The following LRMDA variants were observed in gnomAD, a reference collection of about 807,000 sequenced individuals.
LRMDA encodes leucine-rich melanocyte differentiation-associated protein.
LRMDA carries 18 observed loss-of-function variants against 29.8 expected under a neutral mutation model. That is an observed-to-expected ratio of 0.60 (90% confidence interval 0.42 to 0.90). The LOEUF (loss-of-function observed/expected upper bound fraction) is 0.90. Among genes scored for constraint, LRMDA ranks in the 40% least tolerant of loss-of-function variants. The pLI is 0.00. For synonymous variants in LRMDA, 125 were observed against 109.4 expected, an observed-to-expected ratio of 1.14 and a Z score of -0.89; for missense variants, 273 against 273.9, an observed-to-expected ratio of 1.00 and a Z score of 0.02.
chr10:76,015,848 C>A (rs186964042), intron 2 of LRMDA, among the ~76,000 whole-genome samples: 43 of 152,262 alleles, frequency 2.8e-4, no homozygotes, highest in African/African-American at 9.1e-4. Flanking sequence ...CTTCTATTAC[C>A]AACTCCTCTG....
chr10:75,605,130 A>C (rs1205747492), intron 2 of LRMDA, among the ~76,000 whole-genome samples: 1 of 152,202 alleles, frequency 6.6e-6, no homozygotes, highest in Admixed American at 6.5e-5. Context: ...TGGGAATGCC[A>C]CACAGTTCAT....
chr10:75,997,502 T>G (rs1847490544), intron 2 of LRMDA, among the ~76,000 whole-genome samples: 1 of 152,018 alleles, frequency 6.6e-6, no homozygotes, highest in Non-Finnish European at 1.5e-5. Flanking sequence ...ACAGCTCTGA[T>G]TATATCCTAA....
chr10:75,887,309 TTAATGGAAAAA>T (rs1281541609), intron 2 of LRMDA, among the ~76,000 whole-genome samples: 6 of 152,168 alleles, frequency 3.9e-5, no homozygotes, highest in South Asian at 2.1e-4. Context: ...AAATTATGTA[TTAATGGAAAAA>T]TAATGGAAAA....
At chr10:76,080,293 T>C (rs930681959) in intron 5 of LRMDA, among the ~76,000 whole-genome samples, 1 of 152,236 alleles carries the variant, frequency 6.6e-6, no homozygotes, top group African/African-American at 2.4e-5. Flanking sequence ...TATTTGAATA[T>C]ATCCATCTTG....
At chr10:75,937,475 T>G (rs567529121) in intron 2 of LRMDA, among the ~76,000 whole-genome samples, 1 of 152,306 alleles carries the variant, frequency 6.6e-6, no homozygotes, top group African/African-American at 2.4e-5. Flanking sequence ...TGTTTTCATT[T>G]GAATTGTTTG....
chr10:75,505,835 GT>G (rs1845163383), intron 2 of LRMDA, among the ~76,000 whole-genome samples: 1 of 152,156 alleles, frequency 6.6e-6, no homozygotes, highest in African/African-American at 2.4e-5. Flanking sequence ...CATGCTGATG[GT>G]GTGTCTCATG....
intron 6 of LRMDA, among the ~76,000 whole-genome samples, chr10:76,485,942 A>G (rs1842779087): frequency 6.6e-6 from 1 of 151,954 alleles, no homozygotes; most frequent in Admixed American, 6.6e-5. Context: ...CTATACAAAC[A>G]GAAAAAGCCA....
intron 5 of LRMDA, among the ~76,000 whole-genome samples, chr10:76,153,174 T>C (rs748700669): frequency 6.6e-6 from 1 of 152,156 alleles, no homozygotes; most frequent in Non-Finnish European, 1.5e-5. Flanking sequence ...TATTTGTCTT[T>C]ATATTGTTGA....
chr10:76,261,887 T>A (rs143508585), intron 5 of LRMDA, among the ~76,000 whole-genome samples: 1 of 152,114 alleles, frequency 6.6e-6, no homozygotes, highest in Non-Finnish European at 1.5e-5. Context: ...ATTTGAGCAA[T>A]CTTGATAAGT....
At chr10:76,103,735 G>A (rs747747452) in intron 5 of LRMDA, among the ~76,000 whole-genome samples, 8 of 152,300 alleles carry the variant, frequency 5.3e-5, no homozygotes, top group East Asian at 1.9e-4. Context: ...TCAGCAAGAT[G>A]CAGACTGGTA....
intron 2 of LRMDA, among the ~76,000 whole-genome samples, chr10:75,631,982 A>G (rs981456382): frequency 3.9e-5 from 6 of 152,166 alleles, no homozygotes; most frequent in Non-Finnish European, 7.3e-5. Flanking sequence ...GTTGGATGCC[A>G]TAATGTGTTC....
intron 6 of LRMDA, among the ~76,000 whole-genome samples, chr10:76,349,216 A>G (rs1841145428): frequency 1.3e-5 from 2 of 152,316 alleles, no homozygotes; most frequent in East Asian, 1.9e-4. Flanking sequence ...ACAAATGGCC[A>G]CATAGTAGGC....
In LRMDA at chr10:75,458,461, A is replaced by C. The variant is rs1844546373; in HGVS notation, c.131+19967A>C. On this transcript the variant is annotated intron_variant, in intron 2 of 6. Coordinates refer to ENST00000611255, the MANE Select transcript of LRMDA (RefSeq NM_001305581.2). ...ATTTTCCAATTCAATTATGTTTTAA[A>C]AGGGAAGAGGGAGGAAGCAGAATCT... is the stretch of plus-strand genomic sequence containing the variant. Among the ~76,000 whole-genome samples, 4 of 115,628 alleles carry C rather than the reference A, an allele frequency of 3.5e-5. No homozygotes were observed. In the South Asian group the frequency reaches 7.9e-4, roughly 23 times the overall value. 75.9% of individuals were successfully genotyped at this position (115,628 alleles called of 152,430 possible). A position where few individuals can be genotyped will look rare whatever the true frequency, so the allele number is the denominator to read the frequency against.
intron 5 of LRMDA, among the ~76,000 whole-genome samples, chr10:76,307,183 C>A (rs760781445): frequency 1.6e-4 from 24 of 152,072 alleles, no homozygotes; most frequent in Non-Finnish European, 3.2e-4. Context: ...CTGTGGGATA[C>A]CAAAGCTTAG....
intron 2 of LRMDA, among the ~76,000 whole-genome samples, chr10:75,773,075 C>T (rs1843265793): frequency 6.6e-6 from 1 of 152,198 alleles, no homozygotes; most frequent in Non-Finnish European, 1.5e-5. Context: ...TCCACTGCGA[C>T]CTTGCCACTG....
At chr10:75,780,407 T>C (rs1034866937) in intron 2 of LRMDA, among the ~76,000 whole-genome samples, 1 of 152,144 alleles carries the variant, frequency 6.6e-6, no homozygotes, top group African/African-American at 2.4e-5. Context: ...CCTTGTACTT[T>C]GGGTACAGTA....
chr10:75,923,502 G>A (rs182908172), intron 2 of LRMDA, among the ~76,000 whole-genome samples: 2 of 152,248 alleles, frequency 1.3e-5, no homozygotes, highest in East Asian at 1.9e-4. Context: ...ATGGCTTGAC[G>A]TTATTGGTTC....
intron 2 of LRMDA, among the ~76,000 whole-genome samples, chr10:75,660,693 G>T (rs1245074452): frequency 6.6e-6 from 1 of 151,704 alleles, no homozygotes; most frequent in African/African-American, 2.4e-5. Context: ...AGCATTGAAG[G>T]TGTTCACCAT....
rs10571839 is a variant in LRMDA at position 75,802,335 on chromosome 10, GCACA to G, written c.132-233644_132-233641del. Reference sequence around the variant, plus strand: ...CCTATCTCTAAACACACACACACGCGCACACACACACACACACACACACACACAC... The same window carrying G: ...CCTATCTCTAAACACACACACACGCGCACACACACACACACACACACACAC... On this transcript the variant is annotated intron_variant, in intron 2 of 6. Transcript: ENST00000611255. Among the ~76,000 whole-genome samples the G allele has an allele frequency of 5.2e-3, 760 of 146,926 alleles. 4 individuals carry two copies. The highest frequency in any genetic ancestry group is 9.1e-3 in the African/African-American group (359 of 39,588).
Sources: allele counts gnomAD v4.1 joint callset (sites outside exome capture counted in the v4.1 genomes callset), GRCh38; gene constraint gnomAD v4.1.1; transcripts MANE v1.5; gene names NCBI Gene and HGNC (gene_info 2026-07-23, HGNC 2026-07-21).